NRP1: variants seen among roughly 807,000 people sequenced by gnomAD.
NRP1 encodes the protein neuropilin-1.
NRP1 carries 35 observed loss-of-function variants against 106.7 expected under a neutral mutation model. That is an observed-to-expected ratio of 0.33 (90% CI 0.25 to 0.43). The LOEUF is 0.43. Ranked by LOEUF, NRP1 falls within the 20% of genes least tolerant of loss-of-function variation. The pLI is 1.00. For synonymous variants in NRP1, 437 were observed against 417.9 expected, an observed-to-expected ratio of 1.05 and a Z score of -0.56; for missense variants, 1,024 against 1,170.4, an observed-to-expected ratio of 0.87 and a Z score of 1.83.
intron 6 of NRP1, among the ~76,000 whole-genome samples, chr10:33,235,540 A>T (rs1840488850): frequency 6.6e-6 from 1 of 152,382 alleles, no homozygotes; most frequent in East Asian, 1.9e-4. Context: ...ATATGAGAAG[A>T]CAGTCTTCAT....
chr10:33,259,456 G>A (rs1588867138), intron 4 of NRP1, among the ~76,000 whole-genome samples: 1 of 152,160 alleles, frequency 6.6e-6, no homozygotes, highest in Non-Finnish European at 1.5e-5. Context: ...TCCGTCTCGT[G>A]TGTGTGCTCA....
intron 2 of NRP1, among the ~76,000 whole-genome samples, chr10:33,283,449 A>T (rs1164100189): frequency 6.6e-6 from 1 of 152,204 alleles, no homozygotes; most frequent in Non-Finnish European, 1.5e-5. Context: ...TATCCTCTAT[A>T]TGCCCAAAAT....
At chr10:33,314,031 T>TC (rs1846821212) in intron 2 of NRP1, among the ~76,000 whole-genome samples, 1 of 148,946 alleles carries the variant, frequency 6.7e-6, no homozygotes, top group Non-Finnish European at 1.5e-5. Flanking sequence ...TCTCTCTCTC[T>TC]TTCTCTCTCT....
At chr10:33,206,832 A>G (rs914452497) in intron 10 of NRP1, among the ~76,000 whole-genome samples, 1 of 152,210 alleles carries the variant, frequency 6.6e-6, no homozygotes, top group Non-Finnish European at 1.5e-5. Flanking sequence ...TTCATTCATC[A>G]TATGTTCAAA....
intron 2 of NRP1, among the ~76,000 whole-genome samples, chr10:33,329,280 T>G (rs1305308375): frequency 1.3e-5 from 2 of 152,184 alleles, no homozygotes; most frequent in African/African-American, 4.8e-5. Context: ...AAATTGGAAT[T>G]GGTGTAATTT....
In NRP1 at chr10:33,218,338, CTTTCTTTTTTTT is replaced by C. The variant is rs1472511839; in HGVS notation, c.1282+3369_1282+3380del. On this transcript the variant is annotated intron_variant, in intron 8 of 16. Transcript: ENST00000374867. ...TCCAGGATTACTATATTTCTTTTTT[CTTTCTTTTTTTT>C]TTTTTTGAGATGGAATCTTGCTCTG... Among the ~76,000 whole-genome samples the C allele has an allele frequency of 4.7e-5, 7 of 148,518 alleles. No homozygotes were observed. The East Asian group carries it at 1.2e-3, about 26-fold the overall frequency.
At chr10:33,270,304 G>C (rs146724638) in intron 3 of NRP1, among the ~76,000 whole-genome samples, 1 of 151,160 alleles carries the variant, frequency 6.6e-6, no homozygotes. Context: ...TTTGTCTTTC[G>C]TGAAATCAAA....
chr10:33,281,429 G>T (rs1329098067), intron 2 of NRP1, among the ~76,000 whole-genome samples: 3 of 152,258 alleles, frequency 2.0e-5, no homozygotes, highest in East Asian at 3.9e-4. Context: ...CATAAGAAAT[G>T]GATTCTGTTC....
chr10:33,281,850 C>A (rs1333873816), intron 2 of NRP1, among the ~76,000 whole-genome samples: 1 of 152,074 alleles, frequency 6.6e-6, no homozygotes, highest in African/African-American at 2.4e-5. Context: ...CATAGAGAAC[C>A]AAATGGAGAA....
intron 6 of NRP1, among the ~76,000 whole-genome samples, chr10:33,230,391 G>A (rs759833106): frequency 6.6e-6 from 1 of 152,178 alleles, no homozygotes; most frequent in Non-Finnish European, 1.5e-5. Flanking sequence ...AGGCAATCGA[G>A]AATCAACAGA....
At chr10:33,317,895 T>C (rs1453671431) in intron 2 of NRP1, among the ~76,000 whole-genome samples, 1 of 152,214 alleles carries the variant, frequency 6.6e-6, no homozygotes, top group Non-Finnish European at 1.5e-5. Context: ...ACTATCTCTG[T>C]TGTGTGTATG....
intron 2 of NRP1, among the ~76,000 whole-genome samples, chr10:33,271,340 G>C (rs1843300978): frequency 6.6e-6 from 1 of 152,140 alleles, no homozygotes; most frequent in Non-Finnish European, 1.5e-5. Context: ...TATGGCCACA[G>C]AATAATAAAC....
At chr10:33,244,485 A>G (rs1201071090) in intron 6 of NRP1, among the ~76,000 whole-genome samples, 2 of 152,230 alleles carry the variant, frequency 1.3e-5, no homozygotes, top group Non-Finnish European at 2.9e-5. Context: ...ATTGTATAAT[A>G]ACAGAAGTTC....
intron 3 of NRP1, among the ~76,000 whole-genome samples, chr10:33,265,536 A>G (rs779645821): frequency 1.3e-5 from 2 of 152,246 alleles, no homozygotes; most frequent in Non-Finnish European, 2.9e-5. Context: ...GATTCAGGTC[A>G]GGAGGCTGAA....
chr10:33,270,269 G>A (rs1057155623), intron 3 of NRP1, among the ~76,000 whole-genome samples: 3 of 151,840 alleles, frequency 2.0e-5, no homozygotes, highest in Admixed American at 2.0e-4. Context: ...AAGGATAAAA[G>A]CATTACTTCT....
At position 33,213,640 on chromosome 10, in the gene NRP1, C is replaced by T. The variant is rs779560935; in HGVS notation, c.1360G>A (p.Asp454Asn). ...ATGTTTTCAGGCATCCAGTTTCTGT[C>T]CCCTTGGTTGGATGATGTGATCTGG... ...DSQITSSNQGDRNWMPENIRL... is the reference protein window; with the variant it reads ...DSQITSSNQGNRNWMPENIRL... The change falls in exon 9 of 17, where the codon GAC becomes AAC. Residue 454 changes from aspartate to asparagine, a missense_variant. This residue lies in a region of NRP1 where 562 missense variants were observed against 620.3 expected (regional missense o/e 0.91). Coordinates refer to ENST00000374867, the MANE Select transcript of NRP1 (RefSeq NM_003873.7). 9 of 1,614,024 alleles carry T rather than the reference C, an allele frequency of 5.6e-6. 1 individual carries two copies. Among genetic ancestry groups the T allele is most frequent in the South Asian group, 2.2e-5 (2 of 91,058 alleles).
chr10:33,206,203 A>G (rs770885326), intron 10 of NRP1: 6 of 518,934 alleles, frequency 1.2e-5, no homozygotes, highest in South Asian at 8.4e-5. Flanking sequence ...ATTCGCATCC[A>G]GGGAGCAGAC....
intron 15 of NRP1, among the ~76,000 whole-genome samples, chr10:33,184,122 C>T (rs1835860591): frequency 6.6e-6 from 1 of 152,170 alleles, no homozygotes; most frequent in Non-Finnish European, 1.5e-5. Context: ...AGCAATTCTC[C>T]TGCCTCAGCC....
At chr10:33,184,270 C>G (rs111440361) in intron 15 of NRP1, among the ~76,000 whole-genome samples, 1 of 152,240 alleles carries the variant, frequency 6.6e-6, no homozygotes, top group African/African-American at 2.4e-5. Flanking sequence ...CCTGCCTCGG[C>G]CTCCCAAAGT....
Sources: gnomAD v4.1 joint callset for allele counts (sites outside exome capture counted in the v4.1 genomes callset) on GRCh38, gnomAD v4.1.1 for gene constraint, gnomAD v4.1.1 regional missense constraint, MANE v1.5 for transcripts, NCBI Gene and HGNC (gene_info 2026-07-23, HGNC 2026-07-21) for gene names.